WNK2: variants seen among roughly 807,000 people sequenced by gnomAD.
The protein encoded by WNK2 is serine/threonine-protein kinase WNK2.
WNK2 carries 67 observed loss-of-function variants against 192.1 expected under a neutral mutation model. That is an observed-to-expected ratio of 0.35 (90% CI 0.29 to 0.43). The LOEUF is 0.43. Among genes scored for constraint, WNK2 ranks in the 20% least tolerant of loss-of-function variants. The pLI is 1.00. For synonymous variants in WNK2, 1,439 were observed against 1,393.9 expected, an observed-to-expected ratio of 1.03 and a Z score of -0.72; for missense variants, 2,698 against 3,089.7, an observed-to-expected ratio of 0.87 and a Z score of 3.01.
chr9:93,215,423 A>G (rs1057184204), intron 2 of WNK2, among the ~76,000 whole-genome samples: 7 of 152,310 alleles, frequency 4.6e-5, no homozygotes, highest in African/African-American at 1.7e-4. Context: ...TATTTTTAAA[A>G]TAATGTTTTG....
chr9:93,317,389 G>C, intron 28 of WNK2, 131 bp from the exon 29 acceptor site: 1 of 778,814 alleles, frequency 1.3e-6, no homozygotes, highest in Non-Finnish European at 2.1e-6. Context: ...CTGAGAGGGT[G>C]CCTGTCACAG....
intron 26 of WNK2, among the ~76,000 whole-genome samples, chr9:93,303,519 C>G (rs552454410): frequency 2.6e-5 from 4 of 152,212 alleles, no homozygotes; most frequent in Admixed American, 6.5e-5. Context: ...GCTTTCATCC[C>G]TCCCGGTGGG....
intron 21 of WNK2, among the ~76,000 whole-genome samples, chr9:93,291,685 C>T (rs1459944150): frequency 1.3e-5 from 2 of 152,248 alleles, no homozygotes; most frequent in Non-Finnish European, 2.9e-5. Context: ...CTGCTGCCAC[C>T]TTCCCCACGG....
chr9:93,201,220 C>T (rs920720065), intron 2 of WNK2, among the ~76,000 whole-genome samples: 7 of 152,218 alleles, frequency 4.6e-5, no homozygotes, highest in Admixed American at 3.3e-4. Context: ...TGGCCGAGTG[C>T]GTTTCACTGT....
At chr9:93,261,684 C>A in intron 12 of WNK2, 130 bp from the exon 13 acceptor site, 1 of 1,088,652 alleles carries the variant, frequency 9.2e-7, no homozygotes, top group Non-Finnish European at 1.3e-6. Flanking sequence ...AGGGACTCCC[C>A]TTGGGGAGGG....
chr9:93,253,722 G>A (rs1842904589), intron 9 of WNK2, among the ~76,000 whole-genome samples: 1 of 152,276 alleles, frequency 6.6e-6, no homozygotes, highest in African/African-American at 2.4e-5. Flanking sequence ...GGGCTGTGAC[G>A]ACACGTGTGG....
chr9:93,189,068 G>A (rs1322273975), intron 2 of WNK2, among the ~76,000 whole-genome samples: 2 of 152,206 alleles, frequency 1.3e-5, no homozygotes, highest in African/African-American at 2.4e-5. Context: ...TCCCCAGGTT[G>A]AGAAAACATA....
At chr9:93,277,339 G>A (rs1847082664) in intron 19 of WNK2, among the ~76,000 whole-genome samples, 1 of 152,124 alleles carries the variant, frequency 6.6e-6, no homozygotes, top group African/African-American at 2.4e-5. Context: ...CTTGCTATAT[G>A]TCATAGCAAT....
intron 2 of WNK2, among the ~76,000 whole-genome samples, chr9:93,203,941 G>C (rs533753121): frequency 6.6e-6 from 1 of 152,122 alleles, no homozygotes; most frequent in Non-Finnish European, 1.5e-5. Flanking sequence ...GGGATGTCCC[G>C]AGGGCTTCCT....
chr9:93,260,096 A>G (rs1490786725), intron 12 of WNK2, among the ~76,000 whole-genome samples: 5 of 152,184 alleles, frequency 3.3e-5, no homozygotes, highest in African/African-American at 1.2e-4. Context: ...TGCTGGCTGC[A>G]AGGGTGGTTA....
intron 7 of WNK2, among the ~76,000 whole-genome samples, chr9:93,243,216 G>A (rs921047162): frequency 7.2e-5 from 11 of 152,144 alleles, no homozygotes; most frequent in African/African-American, 2.7e-4. Context: ...CTTTCTAGCT[G>A]CTCCGAAGAC....
Position 93,223,235 on chromosome 9 carries a change from A to G in WNK2, c.682-6461A>G, listed in dbSNP as rs538826010. Among the ~76,000 whole-genome samples, 3 of 152,318 alleles carry G rather than the reference A, an allele frequency of 2.0e-5. 1 individual carries two copies. The South Asian group carries it at 6.2e-4, about 32-fold the overall frequency. On this transcript the variant is annotated intron_variant, in intron 2 of 29. Coordinates refer to ENST00000427277, the MANE Select transcript of WNK2 (RefSeq NM_006648.4). ...GCTCCACTGAGCCCACTGACCACTCACTGCAGAGCAGGCCCAGTGCCTGCC... is the reference window on the plus strand; with the variant it reads ...GCTCCACTGAGCCCACTGACCACTCGCTGCAGAGCAGGCCCAGTGCCTGCC...
intron 2 of WNK2, among the ~76,000 whole-genome samples, chr9:93,203,834 C>T (rs369230775): frequency 7.9e-5 from 12 of 151,990 alleles, no homozygotes; most frequent in South Asian, 6.2e-4. Context: ...TGATTGAAGC[C>T]GGGGGAGGCT....
In WNK2 at chr9:93,185,206, C is replaced by CCCGCCG; in HGVS notation, c.280_285dup (p.Ala94_Ala95dup). 5 of 1,158,526 alleles carry CCCGCCG rather than the reference C, an allele frequency of 4.3e-6. No individual in the cohort carries two copies. Among genetic ancestry groups the CCCGCCG allele is most frequent in the Non-Finnish European group, 5.3e-6 (5 of 943,148 alleles). The allele number at this position is 1,158,526 out of a possible 1,614,324, so 71.8% of individuals were successfully genotyped here. A position where few individuals can be genotyped will look rare whatever the true frequency, so the allele number is the denominator to read the frequency against. On this transcript the variant is annotated inframe_insertion, in exon 2 of 30. Transcript: ENST00000427277. ...CATCGCGGAGCGCGCCCGCGGACGCCCCGCCGCCCCCGCGCCCGCAGCGCT... is the reference window on the plus strand; with the variant it reads ...CATCGCGGAGCGCGCCCGCGGACGCCCCGCCGCCGCCGCCCCCGCGCCCGCAGCGCT...
chr9:93,286,243 C>T (rs562956529), intron 19 of WNK2, among the ~76,000 whole-genome samples: 210 of 152,120 alleles, frequency 1.4e-3, no homozygotes, highest in Non-Finnish European at 2.0e-3. Context: ...AGTCACGGAG[C>T]GAGAGATTCT....
rs77767681 is a variant in WNK2 at position 93,220,799 on chromosome 9, G to A, written c.682-8897G>A. Among the ~76,000 whole-genome samples the A allele has an allele frequency of 3.6e-3, 541 of 152,244 alleles. 2 individuals are homozygous for A. The highest frequency in any genetic ancestry group is 0.012 in the African/African-American group (511 of 41,536). On this transcript the variant is annotated intron_variant, in intron 2 of 29. Coordinates refer to ENST00000427277, the MANE Select transcript of WNK2 (RefSeq NM_006648.4). ...ACCTTGGGAAGGCTCCTGCCTGCCC[G>A]TGCTGCCCCAGCATCAGACCCCAGG... is the stretch of plus-strand genomic sequence containing the variant.
intron 2 of WNK2, among the ~76,000 whole-genome samples, chr9:93,187,204 C>T (rs745403458): frequency 4.8e-4 from 73 of 152,106 alleles, no homozygotes; most frequent in Non-Finnish European, 8.1e-4. Flanking sequence ...GCATCGCAGG[C>T]GCATGTGACT....
Position 93,248,852 on chromosome 9 carries a change from G to A in WNK2, c.1834+1018G>A, listed in dbSNP as rs531875591. On this transcript the variant is annotated intron_variant, in intron 8 of 29. Transcript: ENST00000427277. Reference sequence around the variant, plus strand: ...TTGTTCATTCTGTGAATATGCATGGGATAGAATGACAGAGCCAAGGGACCT... The same window carrying A: ...TTGTTCATTCTGTGAATATGCATGGAATAGAATGACAGAGCCAAGGGACCT... Among the ~76,000 whole-genome samples the A allele has an allele frequency of 1.2e-3, 176 of 152,348 alleles. 1 individual carries two copies. Among genetic ancestry groups the A allele is most frequent in the African/African-American group, 3.4e-3 (143 of 41,576 alleles).
intron 19 of WNK2, among the ~76,000 whole-genome samples, chr9:93,275,572 T>C (rs1846716214): frequency 6.6e-6 from 1 of 152,194 alleles, no homozygotes; most frequent in South Asian, 2.1e-4. Flanking sequence ...TTTTCACCTA[T>C]CTTATTCAGC....
Sources: allele counts gnomAD v4.1 joint callset (sites outside exome capture counted in the v4.1 genomes callset), GRCh38; gene constraint gnomAD v4.1.1; transcripts MANE v1.5; gene names NCBI Gene and HGNC (gene_info 2026-07-23, HGNC 2026-07-21).